ZDHHC23: variants seen among roughly 807,000 people sequenced by gnomAD.
ZDHHC23 encodes palmitoyltransferase ZDHHC23.
In ZDHHC23, 41 loss-of-function variants were observed where a neutral mutation model predicts 40.2. That is an observed-to-expected ratio of 1.02 (90% CI 0.79 to 1.32). The LOEUF (loss-of-function observed/expected upper bound fraction) is 1.32, where lower values mean the gene tolerates loss of function less well. Among genes scored for constraint, ZDHHC23 ranks in the 40% most tolerant of loss-of-function variants. The probability of loss-of-function intolerance (pLI) is 0.00; values close to 1 mark genes in which losing one functional copy is unlikely to be tolerated. For missense variants in ZDHHC23, 471 were observed against 541.5 expected, an observed-to-expected ratio of 0.87 and a Z score of 1.29; for synonymous variants, 204 against 210.2, an observed-to-expected ratio of 0.97 and a Z score of 0.26.
intron 4 of ZDHHC23, chr3:113,957,447 T>C: frequency 2.8e-6 from 1 of 353,948 alleles, no homozygotes; most frequent in East Asian, 7.5e-5. Flanking sequence ...GTGGAGAGTA[T>C]CTCCAGCATG....
At chr3:113,978,463 A>G in the ZDHHC23 span, 1 of 921,312 alleles carries the variant, frequency 1.1e-6, no homozygotes, top group Non-Finnish European at 1.6e-6. Context: ...AAAGAAAAGG[A>G]TAACCTGGAA....
chr3:113,975,850 CT>C, the ZDHHC23 span, among the ~76,000 whole-genome samples: 2 of 152,152 alleles, frequency 1.3e-5, no homozygotes, highest in African/African-American at 4.8e-5. Flanking sequence ...CACAGCAATG[CT>C]TTTATATCAA....
downstream of ZDHHC23, chr3:113,965,519 GA>G (rs1399053712): frequency 2.4e-6 from 1 of 411,960 alleles, no homozygotes; most frequent in African/African-American, 2.1e-5. Flanking sequence ...GAAATGCTGT[GA>G]AAAAAATAAG....
chr3:113,952,181 A>G (rs1938737015), intron 2 of ZDHHC23, among the ~76,000 whole-genome samples: 1 of 151,978 alleles, frequency 6.6e-6, no homozygotes, highest in South Asian at 2.1e-4. Flanking sequence ...CTAAGCATTT[A>G]TGAGAAGCCA....
In ZDHHC23 at chr3:113,948,914, G is replaced by C. The variant is rs1300396570; in HGVS notation, c.112G>C (p.Val38Leu). Residue 38 changes from valine to leucine, a missense_variant, in exon 2 of 5, where the codon GTG (valine) becomes CTG (leucine). Physicochemically the swap from Val to Leu is conservative, Grantham distance 32. Transcript: ENST00000638807. ...YIDRNGEKNH[V>L]ATCLCDCQDL... is the part of the protein sequence containing the mutation. ...AGATCGGAATGGGGAAAAGAACCAC[G>C]TGGCTACTTGTTTGTGTGATTGTCA... 6.2e-7 allele frequency: 1 copy of C among 1,614,172 alleles called. No individual in the cohort carries two copies. The highest frequency in any genetic ancestry group is 1.7e-5 in the Admixed American group (1 of 60,024).
chr3:113,970,293 G>A (rs529996401), downstream of ZDHHC23, among the ~76,000 whole-genome samples: 12 of 152,132 alleles, frequency 7.9e-5, no homozygotes, highest in East Asian at 3.9e-4. Context: ...CATGTCATCC[G>A]TAAACAAGGC....
At chr3:113,967,386 T>G (rs1256447028), downstream of ZDHHC23, among the ~76,000 whole-genome samples, 3 of 115,334 alleles carry the variant, frequency 2.6e-5, no homozygotes, top group Non-Finnish European at 6.0e-5. Flanking sequence ...TTTCTCTTTC[T>G]TTCCCTACAT....
chr3:113,955,794 TTA>T (rs1303148119), intron 3 of ZDHHC23, among the ~76,000 whole-genome samples: 19 of 152,248 alleles, frequency 1.2e-4, no homozygotes, highest in African/African-American at 4.6e-4. Context: ...GTTCTGCTTT[TTA>T]TACTTAGTCT....
chr3:113,977,138 A>AAGAC, the ZDHHC23 span, among the ~76,000 whole-genome samples: 1 of 152,204 alleles, frequency 6.6e-6, no homozygotes, highest in Non-Finnish European at 1.5e-5. Flanking sequence ...TTCTACTAAA[A>AAGAC]AGACAAAAAT....
downstream of ZDHHC23, among the ~76,000 whole-genome samples, chr3:113,967,041 G>C (rs2107547285): frequency 6.6e-6 from 1 of 152,304 alleles, no homozygotes; most frequent in East Asian, 1.9e-4. Context: ...GGAGGTTGCA[G>C]TGAGCCGAGA....
chr3:113,951,500 C>T (rs1415548973), intron 2 of ZDHHC23, among the ~76,000 whole-genome samples: 2 of 152,184 alleles, frequency 1.3e-5, no homozygotes, highest in African/African-American at 4.8e-5. Flanking sequence ...CCTGGAGCTG[C>T]CATGGAGGGT....
Sources: allele counts gnomAD v4.1 joint callset (sites outside exome capture counted in the v4.1 genomes callset), GRCh38; gene constraint gnomAD v4.1.1; transcripts MANE v1.5; gene names NCBI Gene and HGNC (gene_info 2026-07-23, HGNC 2026-07-21).